Variants in LINGO2 observed in about 807,000 individuals in gnomAD.
LINGO2 encodes leucine-rich repeat and immunoglobulin-like domain-containing nogo receptor-interacting protein 2.
LINGO2 carries 14 observed loss-of-function variants against 30.6 expected under a neutral mutation model. That is an observed-to-expected ratio of 0.46 (90% CI 0.30 to 0.72). The LOEUF is 0.72. LINGO2 is among the 30% of genes least tolerant of loss of function. The pLI is 0.07. For synonymous variants in LINGO2, 317 were observed against 288.5 expected (o/e 1.10, Z -1.00); for missense variants, 729 against 751.7 (o/e 0.97, Z 0.35).
At chr9:29,096,517 C>G in the LINGO2 span, among the ~76,000 whole-genome samples, 1 of 139,460 alleles carries the variant, frequency 7.2e-6, no homozygotes, top group African/African-American at 2.7e-5. Context: ...AATTCCTGAC[C>G]CCAAGTGATC....
At chr9:28,925,333 C>G in the LINGO2 span, among the ~76,000 whole-genome samples, 1 of 152,154 alleles carries the variant, frequency 6.6e-6, no homozygotes, top group East Asian at 1.9e-4. Context: ...AACTACATGA[C>G]TAACGATAGG....
At chr9:29,153,234 T>C in the LINGO2 span, among the ~76,000 whole-genome samples, 3 of 152,172 alleles carry the variant, frequency 2.0e-5, no homozygotes, top group Non-Finnish European at 2.9e-5. Context: ...CTATATTATT[T>C]ATTCCTTATA....
At chr9:28,013,422 C>T (rs190217149) in intron 4 of LINGO2, among the ~76,000 whole-genome samples, 23 of 152,296 alleles carry the variant, frequency 1.5e-4, no homozygotes, top group Admixed American at 7.8e-4. Flanking sequence ...GGAAAAATCT[C>T]GTTGATGTTA....
chr9:29,068,497 T>A, the LINGO2 span, among the ~76,000 whole-genome samples: 3 of 151,830 alleles, frequency 2.0e-5, no homozygotes, highest in Admixed American at 2.0e-4. Context: ...TATAAGTATA[T>A]CTTGTTTATA....
chr9:28,801,052 A>T, the LINGO2 span, among the ~76,000 whole-genome samples: 4 of 152,040 alleles, frequency 2.6e-5, no homozygotes, highest in African/African-American at 9.7e-5. Context: ...TTTGAATCCT[A>T]ATTACAGTGG....
At chr9:29,172,891 T>G in the LINGO2 span, among the ~76,000 whole-genome samples, 1 of 152,066 alleles carries the variant, frequency 6.6e-6, no homozygotes, top group East Asian at 1.9e-4. Flanking sequence ...AGTCATAGTC[T>G]GTCTTCACAA....
At chr9:28,437,921 C>A (rs1250823151) in intron 2 of LINGO2, among the ~76,000 whole-genome samples, 1 of 152,122 alleles carries the variant, frequency 6.6e-6, no homozygotes, top group Non-Finnish European at 1.5e-5. Flanking sequence ...ATCCAACTAC[C>A]TCCTCCTCTT....
At chr9:28,894,930 T>C in the LINGO2 span, among the ~76,000 whole-genome samples, 1 of 152,140 alleles carries the variant, frequency 6.6e-6, no homozygotes, top group African/African-American at 2.4e-5. Context: ...GTCATCAAGC[T>C]ATACAATAGA....
At chr9:28,537,251 A>G (rs893497770) in intron 1 of LINGO2, among the ~76,000 whole-genome samples, 2 of 152,144 alleles carry the variant, frequency 1.3e-5, no homozygotes, top group African/African-American at 2.4e-5. Context: ...GAGAGACAAT[A>G]TATTTCCATT....
At chr9:28,053,055 A>T (rs1418069719) in intron 4 of LINGO2, among the ~76,000 whole-genome samples, 1 of 152,132 alleles carries the variant, frequency 6.6e-6, no homozygotes, top group Non-Finnish European at 1.5e-5. Context: ...TCCAGAGAGT[A>T]ATACAAAGCA....
chr9:28,091,184 T>C (rs1826073089), intron 4 of LINGO2, among the ~76,000 whole-genome samples: 3 of 152,138 alleles, frequency 2.0e-5, no homozygotes, highest in Non-Finnish European at 4.4e-5. Context: ...AAGCTTCCAA[T>C]GACTTTCTTC....
the LINGO2 span, among the ~76,000 whole-genome samples, chr9:29,125,715 A>C: frequency 1.3e-5 from 2 of 152,174 alleles, no homozygotes; most frequent in African/African-American, 4.8e-5. Flanking sequence ...TAAATTAATT[A>C]AACTGTGGAA....
chr9:28,254,095 T>A (rs1272475983), intron 4 of LINGO2, among the ~76,000 whole-genome samples: 1 of 152,110 alleles, frequency 6.6e-6, no homozygotes, highest in African/African-American at 2.4e-5. Flanking sequence ...AGGACCCCCG[T>A]CTTTAGCTGA....
At chr9:28,416,503 T>C (rs1587641844) in intron 2 of LINGO2, among the ~76,000 whole-genome samples, 1 of 108,580 alleles carries the variant, frequency 9.2e-6, no homozygotes, top group East Asian at 3.4e-4. Flanking sequence ...CTTCAAGAGA[T>C]ATTACCTTTT....
the LINGO2 span, among the ~76,000 whole-genome samples, chr9:28,695,504 C>A: frequency 6.6e-6 from 1 of 151,624 alleles, no homozygotes; most frequent in African/African-American, 2.4e-5. Flanking sequence ...TAAAGAAGTA[C>A]ATAAATGCCT....
At chr9:28,212,447 C>T (rs1333979727) in intron 4 of LINGO2, among the ~76,000 whole-genome samples, 1 of 151,384 alleles carries the variant, frequency 6.6e-6, no homozygotes, top group Admixed American at 6.6e-5. Flanking sequence ...CTACATGTTC[C>T]TTCTTTTGAT....
the LINGO2 span, among the ~76,000 whole-genome samples, chr9:29,191,423 A>C: frequency 6.6e-6 from 1 of 152,070 alleles, no homozygotes. Context: ...TTTAGTCATA[A>C]TATACATATA....
exon 6 of LINGO2, chr9:27,950,024 C>T (rs772360056): frequency 1.2e-6 from 2 of 1,614,070 alleles, no homozygotes; most frequent in Non-Finnish European, 1.7e-6. Context: ...CATACACAGG[C>T]ATATTGTTGA....
At chr9:29,091,902 G>T in the LINGO2 span, among the ~76,000 whole-genome samples, 2 of 151,948 alleles carry the variant, frequency 1.3e-5, no homozygotes, top group Non-Finnish European at 2.9e-5. Flanking sequence ...ATTATTAAAA[G>T]TTATAGCCAT....
Sources: gnomAD v4.1 joint callset for allele counts (sites outside exome capture counted in the v4.1 genomes callset) on GRCh38, gnomAD v4.1.1 for gene constraint, MANE v1.5 for transcripts, NCBI Gene and HGNC (gene_info 2026-07-23, HGNC 2026-07-21) for gene names.